Variants in LHCGR observed in about 807,000 individuals in gnomAD.
LHCGR encodes the protein luteinizing hormone/choriogonadotropin receptor.
LHCGR carries 55 observed loss-of-function variants against 60.7 expected under a neutral mutation model. The ratio of observed to expected loss-of-function variants is 0.91; its 90% CI spans 0.73 to 1.13. The LOEUF is 1.13. Among genes scored for constraint, LHCGR ranks in the 50% most tolerant of loss-of-function variants. The probability of loss-of-function intolerance (pLI) is 0.00; values close to 1 mark genes in which losing one functional copy is unlikely to be tolerated. For synonymous variants in LHCGR, 337 were observed against 316.5 expected, an observed-to-expected ratio of 1.06 and a Z score of -0.69; for missense variants, 862 against 836.0, an observed-to-expected ratio of 1.03 and a Z score of -0.38.
intron 1 of LHCGR, among the ~76,000 whole-genome samples, chr2:48,737,095 C>G (rs979453763): frequency 1.4e-4 from 21 of 152,220 alleles, no homozygotes; most frequent in African/African-American, 5.1e-4. Context: ...TCTCCAAAGA[C>G]TGTATAGGCT....
At chr2:48,739,219 G>C (rs1395121763) in intron 1 of LHCGR, among the ~76,000 whole-genome samples, 4 of 152,236 alleles carry the variant, frequency 2.6e-5, no homozygotes, top group Non-Finnish European at 2.9e-5. Flanking sequence ...TGGTGGGACT[G>C]TGAACTAGTT....
chr2:48,725,800 G>T, intron 3 of LHCGR, 50 bp from the exon 4 acceptor site: 2 of 1,384,148 alleles, frequency 1.4e-6, no homozygotes, highest in Admixed American at 1.7e-5. Context: ...GATGTGTATT[G>T]TTTGAAATGT....
chr2:48,708,553 CACA>C (rs1558837068), intron 8 of LHCGR, among the ~76,000 whole-genome samples: 68 of 4,004 alleles, frequency 0.017, no homozygotes, highest in South Asian at 0.05. Context: ...CCCACCCACA[CACA>C]CACACACACA....
In LHCGR at chr2:48,696,483, G is replaced by T. The variant is rs58553808; in HGVS notation, c.866+2132C>A. Among the ~76,000 whole-genome samples the T allele has an allele frequency of 7.1e-3, 1,080 of 152,274 alleles. 23 individuals are homozygous for T. The highest frequency in any genetic ancestry group is 0.024 in the African/African-American group (1,006 of 41,542). On this transcript the variant is annotated intron_variant, in intron 9 of 10. Transcript: ENST00000294954. ...TAGACTTATATTGTAATAGCAATTT[G>T]TAAAACATCAGAAAATTGAATTGTA...
At chr2:48,747,421 C>G (rs991164090) in intron 1 of LHCGR, among the ~76,000 whole-genome samples, 1 of 152,140 alleles carries the variant, frequency 6.6e-6, no homozygotes, top group African/African-American at 2.4e-5. Flanking sequence ...AATTACTGGC[C>G]TGTGTGCCTT....
chr2:48,743,430 T>A (rs987708224), intron 1 of LHCGR, among the ~76,000 whole-genome samples: 13 of 152,266 alleles, frequency 8.5e-5, no homozygotes, highest in East Asian at 3.9e-4. Context: ...TGAACATTGA[T>A]ACAAAAATCC....
intron 10 of LHCGR, among the ~76,000 whole-genome samples, chr2:48,689,516 G>T (rs931135843): frequency 3.3e-5 from 5 of 152,180 alleles, no homozygotes; most frequent in African/African-American, 1.2e-4. Context: ...ACCAAGGATA[G>T]ATTATTAGAA....
chr2:48,738,805 A>T (rs1669311141), intron 1 of LHCGR, among the ~76,000 whole-genome samples: 1 of 152,246 alleles, frequency 6.6e-6, no homozygotes, highest in Non-Finnish European at 1.5e-5. Flanking sequence ...TTGATAACAT[A>T]TTGAAATGAG....
chr2:48,698,911 G>A (rs912431219), intron 8 of LHCGR, 111 bp from the exon 9 acceptor site: 12 of 832,530 alleles, frequency 1.4e-5, no homozygotes, highest in Non-Finnish European at 2.2e-5. Flanking sequence ...GCACGACCTC[G>A]GCTCACTGCA....
chr2:48,740,405 A>G (rs1296429713), intron 1 of LHCGR, among the ~76,000 whole-genome samples: 14 of 152,216 alleles, frequency 9.2e-5, no homozygotes, highest in Admixed American at 3.9e-4. Flanking sequence ...AGACAAACAA[A>G]AAGACAGCAG....
chr2:48,733,436 A>C (rs1304918617), intron 1 of LHCGR, among the ~76,000 whole-genome samples: 1 of 152,230 alleles, frequency 6.6e-6, no homozygotes, highest in Non-Finnish European at 1.5e-5. Context: ...AAGAAGCTGT[A>C]GATCATGCAA....
intron 1 of LHCGR, chr2:48,732,744 T>A (rs1669051952): frequency 4.6e-6 from 2 of 438,526 alleles, no homozygotes. Flanking sequence ...CTCTATTTCT[T>A]CTGCAAAGCG....
intron 9 of LHCGR, among the ~76,000 whole-genome samples, chr2:48,697,537 TGTC>T (rs1667177714): frequency 6.6e-6 from 1 of 152,250 alleles, no homozygotes; most frequent in Admixed American, 6.5e-5. Context: ...GCAAGTGTTT[TGTC>T]TTCTCAGCTA....
chr2:48,729,433 A>G (rs970357925), intron 2 of LHCGR, among the ~76,000 whole-genome samples: 36 of 152,178 alleles, frequency 2.4e-4, no homozygotes, highest in African/African-American at 7.7e-4. Flanking sequence ...ACCCAAGTGC[A>G]GTTGAAATGC....
chr2:48,705,768 A>G (rs754763828), intron 8 of LHCGR, among the ~76,000 whole-genome samples: 9 of 149,388 alleles, frequency 6.0e-5, no homozygotes, highest in Non-Finnish European at 1.3e-4. Context: ...CCAGCCCTTT[A>G]GTTTGAGCCT....
intron 7 of LHCGR, among the ~76,000 whole-genome samples, chr2:48,710,732 C>T (rs552215914): frequency 6.6e-6 from 1 of 152,206 alleles, no homozygotes. Context: ...CCTTCTGCGG[C>T]TGCCCCTGTC....
chr2:48,754,012 T>A (rs186042730), intron 1 of LHCGR, among the ~76,000 whole-genome samples: 23 of 152,268 alleles, frequency 1.5e-4, no homozygotes, highest in Middle Eastern at 3.4e-3. Context: ...AGTCTGTTAG[T>A]AGTACAGTCA....
chr2:48,741,832 C>A (rs1179521775), intron 1 of LHCGR, among the ~76,000 whole-genome samples: 1 of 151,140 alleles, frequency 6.6e-6, no homozygotes, highest in Non-Finnish European at 1.5e-5. Flanking sequence ...ATCAAATTCA[C>A]ACATAACAAT....
chr2:48,727,152 G>C (rs1325375953), intron 3 of LHCGR, among the ~76,000 whole-genome samples: 2 of 152,078 alleles, frequency 1.3e-5, no homozygotes, highest in East Asian at 3.9e-4. Context: ...TTTGGGCTGG[G>C]TGTGGTGGCG....
Sources: allele counts gnomAD v4.1 joint callset (sites outside exome capture counted in the v4.1 genomes callset), GRCh38; gene constraint gnomAD v4.1.1; transcripts MANE v1.5; gene names NCBI Gene and HGNC (gene_info 2026-07-23, HGNC 2026-07-21).